BNC2: variants seen among roughly 807,000 people sequenced by gnomAD.
BNC2 encodes zinc finger protein basonuclin-2.
BNC2 carries 20 observed loss-of-function variants against 76.3 expected under a neutral mutation model. The ratio of observed to expected loss-of-function variants is 0.26; its 90% CI spans 0.18 to 0.38. The LOEUF (loss-of-function observed/expected upper bound fraction) is 0.38. Among genes scored for constraint, BNC2 ranks in the 10% least tolerant of loss-of-function variants. BNC2 has a pLI of 1.00. For synonymous variants in BNC2, 582 were observed against 514.8 expected, an observed-to-expected ratio of 1.13 and a Z score of -1.77; for missense variants, 1,382 against 1,399.8, an observed-to-expected ratio of 0.99 and a Z score of 0.20.
rs138602328 is a variant in BNC2 at position 16,449,529 on chromosome 9, T to A, written c.670-12005A>T. On this transcript the variant is annotated intron_variant, in intron 5 of 6. Coordinates refer to ENST00000380672, the MANE Select transcript of BNC2 (RefSeq NM_017637.6). ...ATCTCATAGGCAGGGTTCTGCTCTG[T>A]GTATCTGCCATTGTGTCACCGTAAA... Among the ~76,000 whole-genome samples, 482 of 152,214 alleles carry A rather than the reference T, an allele frequency of 3.2e-3. 6 individuals carry two copies. Among genetic ancestry groups the A allele is most frequent in the Non-Finnish European group, 5.6e-3 (383 of 68,006 alleles).
intron 5 of BNC2, among the ~76,000 whole-genome samples, chr9:16,537,228 A>G (rs1403374987): frequency 1.3e-5 from 2 of 152,176 alleles, no homozygotes; most frequent in Non-Finnish European, 2.9e-5. Flanking sequence ...TTCAAAGTGA[A>G]TACACCTCTT....
In BNC2 at chr9:16,415,166, T is replaced by C. The variant is rs1007296164; in HGVS notation, c.*3823A>G. On this transcript the variant is annotated 3_prime_UTR_variant, in exon 7 of 7. Transcript: ENST00000380672. ...AGGGCAGCTGGACTAAGATCTGGAA[T>C]GAGTTACATTGGGTTGACTTATTTA... is the stretch of plus-strand genomic sequence containing the variant. The C allele has an allele frequency of 6.6e-6, 1 of 152,268 alleles. No individual in the cohort carries two copies. The highest frequency in any genetic ancestry group is 1.5e-5 in the Non-Finnish European group (1 of 68,040). The allele number at this position is 152,268 out of a possible 1,614,324, so 9.4% of individuals were successfully genotyped here.
chr9:16,786,158 A>G (rs1826287509), intron 1 of BNC2, among the ~76,000 whole-genome samples: 1 of 152,224 alleles, frequency 6.6e-6, no homozygotes, highest in African/African-American at 2.4e-5. Flanking sequence ...TGACAGAGGT[A>G]AAATACAAAG....
intron 3 of BNC2, among the ~76,000 whole-genome samples, chr9:16,687,265 T>A (rs1056174597): frequency 7.2e-5 from 11 of 152,128 alleles, no homozygotes; most frequent in Admixed American, 7.2e-4. Context: ...TATTTGTTGA[T>A]GTTTCATATG....
At chr9:16,490,720 A>G (rs1822260893) in intron 5 of BNC2, among the ~76,000 whole-genome samples, 2 of 152,038 alleles carry the variant, frequency 1.3e-5, no homozygotes, top group African/African-American at 4.8e-5. Context: ...AGTATTCTAC[A>G]CTCCCTGAAG....
chr9:16,434,317 T>G (rs1820960304), intron 6 of BNC2, among the ~76,000 whole-genome samples: 1 of 152,274 alleles, frequency 6.6e-6, no homozygotes, highest in Admixed American at 6.5e-5. Flanking sequence ...GACACTACTT[T>G]TCAGTGGTAC....
At chr9:16,527,244 C>T (rs1449959520) in intron 5 of BNC2, among the ~76,000 whole-genome samples, 1 of 152,202 alleles carries the variant, frequency 6.6e-6, no homozygotes, top group African/African-American at 2.4e-5. Context: ...TGATCAAACA[C>T]ATCAACTCTT....
At chr9:16,442,862 T>A (rs576626837) in intron 5 of BNC2, among the ~76,000 whole-genome samples, 1 of 151,914 alleles carries the variant, frequency 6.6e-6, no homozygotes, top group South Asian at 2.1e-4. Flanking sequence ...TCCCAGCAGT[T>A]TGGGAGGCAG....
chr9:16,869,936 C>G (rs1394635973), intron 1 of BNC2, among the ~76,000 whole-genome samples: 2 of 152,216 alleles, frequency 1.3e-5, no homozygotes, highest in Admixed American at 1.3e-4. Context: ...ATCCCACCCT[C>G]CAGTCAACGT....
chr9:16,809,327 G>T (rs531212197), intron 1 of BNC2, among the ~76,000 whole-genome samples: 1 of 152,098 alleles, frequency 6.6e-6, no homozygotes, highest in South Asian at 2.1e-4. Flanking sequence ...GGCTAGGAGA[G>T]ATTTGAAAAC....
rs1824396530 is a variant in BNC2, at chr9:16,727,950, G to A, written c.177C>T (p.Asp59=). The change falls in exon 3 of 7, where the codon GAC becomes GAT. Residue 59 remains aspartate (D), a synonymous_variant. Transcript: ENST00000380672. ...VDVRERETQR[D]REPKRARDLT... ...AGTCTCTTGCCCTCTTTGGCTCTCT[G>A]TCTCTCTGTGTCTCTCTTTCTCTCA... is the stretch of plus-strand genomic sequence containing the variant. 6.2e-7 allele frequency: 1 copy of A among 1,613,890 alleles called. No individual in the cohort carries two copies. The highest frequency in any genetic ancestry group is 1.3e-5 in the African/African-American group (1 of 74,852).
At chr9:16,454,371 T>TAGCTCACTTCAGCCTGACTCCTTGGCTC (rs1378432608) in intron 5 of BNC2, among the ~76,000 whole-genome samples, 46 of 152,178 alleles carry the variant, frequency 3.0e-4, no homozygotes, top group African/African-American at 1.1e-3. Flanking sequence ...GGTGTGATCA[T>TAGCTCACTTCAGCCTGACTCCTTGGCTC]AGCTCACTTC....
chr9:16,769,818 G>A (rs1825788299), intron 1 of BNC2, among the ~76,000 whole-genome samples: 1 of 152,154 alleles, frequency 6.6e-6, no homozygotes, highest in Admixed American at 6.5e-5. Context: ...CATGTGGGTG[G>A]AGCTTGTCAT....
At chr9:16,814,541 A>T (rs746189414) in intron 1 of BNC2, among the ~76,000 whole-genome samples, 10 of 152,204 alleles carry the variant, frequency 6.6e-5, no homozygotes, top group Non-Finnish European at 1.3e-4. Context: ...TATATTCAGA[A>T]ATGCATGCAA....
chr9:16,546,719 C>T (rs967314473), intron 5 of BNC2, among the ~76,000 whole-genome samples: 11 of 152,146 alleles, frequency 7.2e-5, no homozygotes, highest in African/African-American at 1.9e-4. Context: ...ACTGAATATA[C>T]GAGATCTTAA....
chr9:16,419,293 C>A lies in BNC2; in HGVS notation c.2996G>T (p.Ser999Ile). The A allele has an allele frequency of 6.2e-7, 1 of 1,614,124 alleles. No individual in the cohort carries two copies. The highest frequency in any genetic ancestry group is 1.1e-5 in the South Asian group (1 of 91,088). ...LLDDIDGASD[S>I]GESAHKAEAP... is the part of the protein sequence containing the mutation. ...CTCGGCCTTGTGTGCCGACTCCCCA[C>A]TGTCACTCGCCCCGTCAATGTCATC... The change falls in exon 7 of 7, where the codon AGT becomes ATT. Residue 999 changes from serine (S) to isoleucine (I), a missense_variant. By Grantham distance (142) the Ser-to-Ile change is moderately radical. This residue lies in a region of BNC2 where 798 missense variants were observed against 775.5 expected (regional missense o/e 1.03). Transcript: ENST00000380672.
chr9:16,847,056 TTGC>T (rs1818999090), intron 1 of BNC2, among the ~76,000 whole-genome samples: 1 of 152,132 alleles, frequency 6.6e-6, no homozygotes, highest in Non-Finnish European at 1.5e-5. Flanking sequence ...CAATGTCAAG[TTGC>T]TGCATGGTAG....
At chr9:16,695,284 T>C (rs1251541975) in intron 3 of BNC2, among the ~76,000 whole-genome samples, 3 of 152,232 alleles carry the variant, frequency 2.0e-5, no homozygotes, top group Middle Eastern at 3.4e-3. Context: ...CTTAAAATAA[T>C]ACCATTTTCT....
chr9:16,659,351 C>A, intron 3 of BNC2, among the ~76,000 whole-genome samples: 1 of 152,110 alleles, frequency 6.6e-6, no homozygotes, highest in Non-Finnish European at 1.5e-5. Context: ...GTGGCTCACG[C>A]GTAATCACAG....
Sources: allele counts gnomAD v4.1 joint callset (sites outside exome capture counted in the v4.1 genomes callset), GRCh38; gene constraint gnomAD v4.1.1; regional missense constraint gnomAD v4.1.1; transcripts MANE v1.5; gene names NCBI Gene and HGNC (gene_info 2026-07-23, HGNC 2026-07-21).